MICU1: variants seen among roughly 807,000 people sequenced by gnomAD.
MICU1 encodes calcium uptake protein 1, mitochondrial.
MICU1 carries 45 observed loss-of-function variants against 56.8 expected under a neutral mutation model. The ratio of observed to expected loss-of-function variants is 0.79; its 90% CI spans 0.62 to 1.02. The LOEUF (loss-of-function observed/expected upper bound fraction) is 1.02. Among genes scored for constraint, MICU1 ranks in the 50% least tolerant of loss-of-function variants. The pLI is 0.00. For missense variants in MICU1, 504 were observed against 587.1 expected (o/e 0.86, Z 1.46); for synonymous variants, 186 against 195.1 (o/e 0.95, Z 0.39).
chr10:72,427,032 T>C (rs1864367655), intron 8 of MICU1, among the ~76,000 whole-genome samples: 1 of 152,242 alleles, frequency 6.6e-6, no homozygotes, highest in African/African-American at 2.4e-5. Context: ...TCTACTTCAA[T>C]GAAAATTAAA....
At chr10:72,568,845 C>T (rs1289141143) in intron 1 of MICU1, among the ~76,000 whole-genome samples, 4 of 149,084 alleles carry the variant, frequency 2.7e-5, no homozygotes, top group East Asian at 2.0e-4. Flanking sequence ...CTCCACCTCC[C>T]GGGTTCAAGC....
intron 10 of MICU1, 67 bp from the exon 11 acceptor site, chr10:72,375,939 G>C (rs1470135851): frequency 7.8e-7 from 1 of 1,278,324 alleles, no homozygotes; most frequent in Admixed American, 2.1e-5. Flanking sequence ...TGATTCAGGG[G>C]ATAAAACGAC....
rs74596407 is a variant in MICU1 at position 72,507,009 on chromosome 10, C to A, written c.652+1146G>T. Among the ~76,000 whole-genome samples the A allele has an allele frequency of 1.5e-3, 225 of 152,238 alleles. 1 individual carries two copies. Among genetic ancestry groups the A allele is most frequent in the Non-Finnish European group, 2.9e-3 (199 of 68,016 alleles). On this transcript the variant is annotated intron_variant, in intron 6 of 11. Coordinates refer to ENST00000361114, the MANE Select transcript of MICU1 (RefSeq NM_001195518.2). The stretch of plus-strand genomic sequence containing the variant: ...TTCCTTGTCAATCCTTACACACTTA[C>A]ACAGAGGAATAAGAACGAAAGTGGT...
chr10:72,523,806 A>G lies in MICU1; in HGVS notation c.537+9940T>C, dbSNP rs1867891781. ...AAAGATCAATTTAAAAAGTACCTTT[A>G]GGAGTGTCCTTGAAGATCTCCTTGG... On this transcript the variant is annotated intron_variant, in intron 5 of 11. Transcript: ENST00000361114. The G allele has an allele frequency of 3.3e-6, 5 of 1,521,410 alleles. No homozygotes were observed. The Admixed American group carries it at 6.0e-5, about 18-fold the overall frequency. The allele number at this position is 1,521,410 out of a possible 1,614,324, so 94.2% of individuals were successfully genotyped here.
intron 1 of MICU1, among the ~76,000 whole-genome samples, chr10:72,619,215 C>T (rs1842045851): frequency 1.3e-5 from 2 of 152,272 alleles, no homozygotes; most frequent in South Asian, 4.1e-4. Flanking sequence ...GAGGCTGAGG[C>T]AGGTGGATCA....
At chr10:72,578,206 CA>C (rs1177303339) in intron 1 of MICU1, among the ~76,000 whole-genome samples, 1 of 152,076 alleles carries the variant, frequency 6.6e-6, no homozygotes, top group Non-Finnish European at 1.5e-5. Flanking sequence ...CCTCTATCAG[CA>C]AAAGGACTGT....
chr10:72,582,592 T>C (rs1028542017), intron 1 of MICU1, among the ~76,000 whole-genome samples: 11 of 152,032 alleles, frequency 7.2e-5, no homozygotes, highest in Non-Finnish European at 5.9e-5. Context: ...ATTTTGTCTC[T>C]ACAAAAAATT....
At chr10:72,516,534 C>T (rs1867650939) in intron 5 of MICU1, among the ~76,000 whole-genome samples, 1 of 152,086 alleles carries the variant, frequency 6.6e-6, no homozygotes, top group South Asian at 2.1e-4. Flanking sequence ...AATGGTATTG[C>T]CTAGGTTTTC....
intron 8 of MICU1, chr10:72,467,914 C>A (rs1435758743): frequency 1.3e-5 from 2 of 151,930 alleles, no homozygotes; most frequent in East Asian, 1.9e-4. Context: ...CGGCTCACTG[C>A]AACCTCTGCC....
intron 10 of MICU1, among the ~76,000 whole-genome samples, chr10:72,399,516 C>T (rs967084298): frequency 3.3e-5 from 5 of 152,094 alleles, no homozygotes; most frequent in Admixed American, 3.3e-4. Flanking sequence ...CATGTTGGCA[C>T]GTGCCTGTAA....
intron 10 of MICU1, among the ~76,000 whole-genome samples, chr10:72,386,867 T>C (rs1862911001): frequency 6.6e-6 from 1 of 152,196 alleles, no homozygotes; most frequent in Non-Finnish European, 1.5e-5. Context: ...GAGTGCACTT[T>C]ACAGAACCAT....
Position 72,615,768 on chromosome 10 carries a change from A to G in MICU1, c.-2+10242T>C, listed in dbSNP as rs916182966. On this transcript the variant is annotated intron_variant, in intron 1 of 11. Transcript: ENST00000361114. The stretch of plus-strand genomic sequence containing the variant: ...CACTTTGGGAGGCCGAGGAGGGTGG[A>G]TCACAAGGTCAGGAGATCGAGACCA... Among the ~76,000 whole-genome samples the G allele has an allele frequency of 2.6e-5, 4 of 152,080 alleles. No homozygotes were observed. In the East Asian group the frequency reaches 7.7e-4, roughly 29 times the overall value.
chr10:72,555,224 T>C (rs1840131296), intron 3 of MICU1, among the ~76,000 whole-genome samples: 1 of 152,204 alleles, frequency 6.6e-6, no homozygotes, highest in Non-Finnish European at 1.5e-5. Flanking sequence ...AAAGAGGGGC[T>C]ATGAGGATCA....
At chr10:72,619,252 G>A (rs558410246) in intron 1 of MICU1, among the ~76,000 whole-genome samples, 6 of 152,254 alleles carry the variant, frequency 3.9e-5, no homozygotes, top group Non-Finnish European at 8.8e-5. Context: ...AGACCATCCT[G>A]GCTAACACGG....
At chr10:72,549,156 G>A (rs1303748377) in intron 4 of MICU1, among the ~76,000 whole-genome samples, 1 of 150,514 alleles carries the variant, frequency 6.6e-6, no homozygotes, top group African/African-American at 2.4e-5. Context: ...GGTTCCCTAA[G>A]CTCACTTTGT....
intron 10 of MICU1, among the ~76,000 whole-genome samples, chr10:72,391,744 G>A (rs59841795): frequency 0.072 from 10,913 of 151,722 alleles, 1,342 homozygotes; most frequent in African/African-American, 0.25. Context: ...CAGCATAGAC[G>A]TACCAAAAAA....
intron 5 of MICU1, among the ~76,000 whole-genome samples, chr10:72,532,429 A>G (rs1454297821): frequency 1.3e-5 from 2 of 152,138 alleles, no homozygotes; most frequent in Non-Finnish European, 2.9e-5. Context: ...AATTTTTTGC[A>G]AGTCATTAAA....
chr10:72,617,285 CA>C (rs1406029107), intron 1 of MICU1, among the ~76,000 whole-genome samples: 1 of 150,742 alleles, frequency 6.6e-6, no homozygotes, highest in Non-Finnish European at 1.5e-5. Flanking sequence ...TTGTACTCAA[CA>C]AATTTAACCA....
At chr10:72,527,120 G>C (rs775277308) in intron 5 of MICU1, among the ~76,000 whole-genome samples, 1 of 152,012 alleles carries the variant, frequency 6.6e-6, no homozygotes, top group Non-Finnish European at 1.5e-5. Context: ...AGGTTAGTAT[G>C]AATTTCTAGC....
Sources: allele counts gnomAD v4.1 joint callset (sites outside exome capture counted in the v4.1 genomes callset), GRCh38; gene constraint gnomAD v4.1.1; transcripts MANE v1.5; gene names NCBI Gene and HGNC (gene_info 2026-07-23, HGNC 2026-07-21).